The following VSTM2B variants were observed in gnomAD, a reference collection of about 807,000 sequenced individuals.
VSTM2B encodes the protein V-set and transmembrane domain containing 2B, also known as V-set and transmembrane domain-containing protein 2B.
VSTM2B carries 24 observed loss-of-function variants against 24.0 expected under a neutral mutation model. That is an observed-to-expected ratio of 1.00 (90% CI 0.72 to 1.40). The LOEUF (loss-of-function observed/expected upper bound fraction) is 1.40. Among genes scored for constraint, VSTM2B ranks in the 40% most tolerant of loss-of-function variants. VSTM2B has a pLI of 0.00. For synonymous variants in VSTM2B, 226 were observed against 194.4 expected, an observed-to-expected ratio of 1.16 and a Z score of -1.35; for missense variants, 399 against 416.4, an observed-to-expected ratio of 0.96 and a Z score of 0.36.
intron 4 of VSTM2B, among the ~76,000 whole-genome samples, chr19:29,537,763 A>ACCTACTCTCCCGCACCCACCTACCC (rs1599883763): frequency 7.8e-6 from 1 of 127,834 alleles, no homozygotes; most frequent in African/African-American, 2.9e-5. Flanking sequence ...TCCCGCACCC[A>ACCTACTCTCCCGCACCCACCTACCC]TGGGCCCTGC....
In VSTM2B at chr19:29,528,417, CCT is replaced by C. The variant is rs1969640145; in HGVS notation, c.268-13_268-12del. 1.7e-5 allele frequency: 26 copies of C among 1,551,110 alleles called. No homozygotes were observed. The highest frequency in any genetic ancestry group is 2.2e-5 in the Non-Finnish European group (25 of 1,146,984). ...GCCGCGAGCCTCACGTCTCTCTCTC[CCT>C]CTTTGCATTTTAGGTAACAAATAAG... On this transcript the variant is annotated splice_polypyrimidine_tract_variant and intron_variant, in intron 2 of 4. Coordinates refer to ENST00000335523, the MANE Select transcript of VSTM2B (RefSeq NM_001146339.2).
chr19:29,527,503 C>T (rs1969613764), intron 2 of VSTM2B, 108 bp downstream of exon 2: 1 of 1,023,922 alleles, frequency 9.8e-7, no homozygotes, highest in Non-Finnish European at 1.3e-6. Flanking sequence ...GGGCGCCGCC[C>T]TGTGGCGCAG....
At chr19:29,539,971 C>G (rs746134036) in intron 4 of VSTM2B, among the ~76,000 whole-genome samples, 13 of 152,270 alleles carry the variant, frequency 8.5e-5, no homozygotes, top group Non-Finnish European at 1.5e-4. Flanking sequence ...CTTCCCTCTG[C>G]TGACCCTGGC....
chr19:29,564,103 C>A lies in VSTM2B; in HGVS notation c.*169C>A. 1.7e-6 allele frequency: 1 copy of A among 588,984 alleles called. No individual in the cohort carries two copies. The highest frequency in any genetic ancestry group is 3.0e-6 in the Non-Finnish European group (1 of 334,328). The allele number at this position is 588,984 out of a possible 1,614,324, so 36.5% of individuals were successfully genotyped here. A position where few individuals can be genotyped will look rare whatever the true frequency, so the allele number is the denominator to read the frequency against. On this transcript the variant is annotated 3_prime_UTR_variant, in exon 5 of 5. Coordinates refer to ENST00000335523, the MANE Select transcript of VSTM2B (RefSeq NM_001146339.2). ...GGAAAGTTACACAAATGTAGAACAC[C>A]TAAAATAATGCATCTAGTTTCCAAA... is the stretch of plus-strand genomic sequence containing the variant.
intron 4 of VSTM2B, among the ~76,000 whole-genome samples, chr19:29,544,640 T>G (rs937887140): frequency 6.6e-6 from 1 of 151,446 alleles, no homozygotes; most frequent in African/African-American, 2.4e-5. Context: ...TGAAATCATC[T>G]TGAGAAAAAG....
At chr19:29,535,595 G>A (rs1435856062) in intron 4 of VSTM2B, among the ~76,000 whole-genome samples, 3 of 152,206 alleles carry the variant, frequency 2.0e-5, no homozygotes, top group Non-Finnish European at 4.4e-5. Context: ...AGAGGCTGTG[G>A]CTGCTGGGAG....
chr19:29,528,381 C>A, intron 2 of VSTM2B, 52 bp from the exon 3 acceptor site: 2 of 1,550,746 alleles, frequency 1.3e-6, no homozygotes, highest in South Asian at 2.4e-5. Context: ...CCGAGTTCCC[C>A]TAGCCAGAAG....
In VSTM2B at chr19:29,530,072, A is replaced by T; in HGVS notation, c.551A>T (p.Asn184Ile). The T allele has an allele frequency of 6.7e-7, 1 of 1,503,536 alleles. No individual in the cohort carries two copies. The allele number at this position is 1,503,536 out of a possible 1,614,324, so 93.1% of individuals were successfully genotyped here. A position where few individuals can be genotyped will look rare whatever the true frequency, so the allele number is the denominator to read the frequency against. ...CCAGCCAGCGCCGCCAACGCCAACA[A>T]CGCGGGCGCCGCGAGCCGTACCACC... ...HGPASAANAN[N>I]AGAASRTTSE... Residue 184 changes from asparagine to isoleucine, a missense_variant, in exon 4 of 5, where the codon AAC (asparagine) becomes ATC (isoleucine). Coordinates refer to ENST00000335523, the MANE Select transcript of VSTM2B (RefSeq NM_001146339.2).
At chr19:29,555,483 A>G (rs1005417982) in intron 4 of VSTM2B, among the ~76,000 whole-genome samples, 4 of 152,226 alleles carry the variant, frequency 2.6e-5, no homozygotes, top group Non-Finnish European at 4.4e-5. Context: ...CCCTAGCATC[A>G]CAACTAAAAG....
chr19:29,553,254 T>A (rs954241789), intron 4 of VSTM2B, among the ~76,000 whole-genome samples: 1 of 152,208 alleles, frequency 6.6e-6, no homozygotes, highest in Admixed American at 6.5e-5. Flanking sequence ...CAGGCAGCCA[T>A]CTTTGCTGTT....
At chr19:29,562,891 A>C (rs7260093) in intron 4 of VSTM2B, among the ~76,000 whole-genome samples, 32,133 of 152,036 alleles carry the variant, frequency 0.21, 3,454 homozygotes, top group Middle Eastern at 0.33. Flanking sequence ...GGTTATGATC[A>C]CACTGGAGAG....
chr19:29,537,748 T>C (rs958920545), intron 4 of VSTM2B, among the ~76,000 whole-genome samples: 1 of 113,870 alleles, frequency 8.8e-6, no homozygotes, highest in Non-Finnish European at 1.7e-5. Context: ...CGCACCCACC[T>C]ACTCTCCCGC....
At chr19:29,529,165 G>A in intron 3 of VSTM2B, 1 of 981,050 alleles carries the variant, frequency 1.0e-6, no homozygotes, top group Non-Finnish European at 1.2e-6. Flanking sequence ...CCGGGGCGCA[G>A]GGGAGGAGCA....
intron 4 of VSTM2B, 32 bp downstream of exon 4, chr19:29,530,322 G>C (rs897706514): frequency 3.0e-5 from 44 of 1,472,798 alleles, no homozygotes; most frequent in Non-Finnish European, 3.7e-5. Context: ...GCGCACGCGC[G>C]GGGATGGCGC....
intron 4 of VSTM2B, among the ~76,000 whole-genome samples, chr19:29,533,352 G>A (rs1969805094): frequency 6.6e-6 from 1 of 152,216 alleles, no homozygotes; most frequent in South Asian, 2.1e-4. Flanking sequence ...CCCTGGGATA[G>A]AAGTACAGTG....
At chr19:29,544,418 T>C (rs925469081) in intron 4 of VSTM2B, among the ~76,000 whole-genome samples, 1 of 147,144 alleles carries the variant, frequency 6.8e-6, no homozygotes, top group African/African-American at 2.5e-5. Context: ...CCCAGCTACT[T>C]GGGAGGCTGA....
At position 29,528,459 on chromosome 19, in the gene VSTM2B, C is replaced by T. The variant is rs1487129608; in HGVS notation, c.294C>T (p.Ile98=). The change falls in exon 3 of 5, where the codon ATC becomes ATT. Residue 98 remains isoleucine (I), a synonymous_variant. Coordinates refer to ENST00000335523, the MANE Select transcript of VSTM2B (RefSeq NM_001146339.2). The part of the protein sequence containing the change: ...SKVTNKDATK[I]STVRVQGNDI... ...TAACAAATAAGGATGCAACTAAAAT[C>T]AGCGTAAGTGTGGAGCCCAGCGCGG... is the stretch of plus-strand genomic sequence containing the variant. The T allele has an allele frequency of 1.3e-6, 2 of 1,550,956 alleles. No individual in the cohort carries two copies. The highest frequency in any genetic ancestry group is 8.7e-7 in the Non-Finnish European group (1 of 1,146,972).
intron 4 of VSTM2B, among the ~76,000 whole-genome samples, chr19:29,534,209 C>G (rs1969830439): frequency 6.6e-6 from 1 of 152,152 alleles, no homozygotes; most frequent in South Asian, 2.1e-4. Context: ...CTGGTAGCAC[C>G]CAGAGAGTAG....
intron 1 of VSTM2B, 48 bp from the exon 2 acceptor site, chr19:29,527,163 C>A: frequency 6.7e-7 from 1 of 1,497,234 alleles, no homozygotes; most frequent in Non-Finnish European, 9.0e-7. Flanking sequence ...TTGCCCCAGG[C>A]CCCCGACCTA....
Sources: allele counts gnomAD v4.1 joint callset (sites outside exome capture counted in the v4.1 genomes callset), GRCh38; gene constraint gnomAD v4.1.1; transcripts MANE v1.5; gene names NCBI Gene and HGNC (gene_info 2026-07-23, HGNC 2026-07-21).